SNTG1: variants seen among roughly 807,000 people sequenced by gnomAD.
SNTG1 encodes the protein syntrophin gamma 1, also known as gamma-1-syntrophin.
SNTG1 carries 39 observed loss-of-function variants against 74.7 expected under a neutral mutation model. That is an observed-to-expected ratio of 0.52 (90% CI 0.40 to 0.68). The LOEUF is 0.68. SNTG1 is among the 30% of genes least tolerant of loss of function. The pLI is 0.00. For synonymous variants in SNTG1, 254 were observed against 217.1 expected, an observed-to-expected ratio of 1.17 and a Z score of -1.49; for missense variants, 685 against 609.5, an observed-to-expected ratio of 1.12 and a Z score of -1.30.
intron 8 of SNTG1, among the ~76,000 whole-genome samples, chr8:50,472,678 T>G: frequency 6.6e-6 from 1 of 152,016 alleles, no homozygotes; most frequent in Middle Eastern, 3.4e-3. Context: ...TTGTACTAAA[T>G]CAAAATGAAA....
chr8:50,387,995 A>C (rs970197275), intron 2 of SNTG1, among the ~76,000 whole-genome samples: 1 of 152,154 alleles, frequency 6.6e-6, no homozygotes, highest in African/African-American at 2.4e-5. Flanking sequence ...TGTTTTTCCC[A>C]ATCAACGTCT....
chr8:50,117,741 A>G (rs200331849), intron 1 of SNTG1, among the ~76,000 whole-genome samples: 2 of 152,280 alleles, frequency 1.3e-5, no homozygotes, highest in East Asian at 1.9e-4. Context: ...TGTTACCACT[A>G]GACTGTAGAT....
At chr8:49,972,689 C>G (rs1811807923) in intron 1 of SNTG1, among the ~76,000 whole-genome samples, 1 of 151,786 alleles carries the variant, frequency 6.6e-6, no homozygotes, top group Non-Finnish European at 1.5e-5. Context: ...ACAACCCCAT[C>G]AACAAGTGGG....
chr8:50,362,355 A>G (rs2131078956), intron 2 of SNTG1, among the ~76,000 whole-genome samples: 1 of 152,324 alleles, frequency 6.6e-6, no homozygotes, highest in African/African-American at 2.4e-5. Flanking sequence ...TATGTTCAAT[A>G]AACTAACGCT....
chr8:49,966,440 G>T (rs1811150331), intron 1 of SNTG1, among the ~76,000 whole-genome samples: 1 of 150,780 alleles, frequency 6.6e-6, no homozygotes, highest in Non-Finnish European at 1.5e-5. Flanking sequence ...TGTTCCTCAG[G>T]CTTGAGTGCA....
intron 13 of SNTG1, among the ~76,000 whole-genome samples, chr8:50,650,628 C>T (rs1585959220): frequency 6.6e-6 from 1 of 152,162 alleles, no homozygotes; most frequent in South Asian, 2.1e-4. Flanking sequence ...TTATAGGATT[C>T]TATATTTAAA....
At chr8:50,564,793 T>A (rs2094506835) in intron 12 of SNTG1, among the ~76,000 whole-genome samples, 1 of 152,092 alleles carries the variant, frequency 6.6e-6, no homozygotes, top group African/African-American at 2.4e-5. Context: ...TGCCATACAA[T>A]GAGGACTTCA....
intron 1 of SNTG1, among the ~76,000 whole-genome samples, chr8:49,935,328 G>C (rs1278041416): frequency 3.3e-5 from 5 of 149,518 alleles, no homozygotes; most frequent in Non-Finnish European, 7.4e-5. Flanking sequence ...TGAGGACTTT[G>C]ATGCATGTCT....
intron 18 of SNTG1, among the ~76,000 whole-genome samples, chr8:50,775,287 A>G (rs956366633): frequency 6.6e-6 from 1 of 151,588 alleles, no homozygotes; most frequent in Non-Finnish European, 1.5e-5. Flanking sequence ...CAATCAAGAG[A>G]TTGACAGTGA....
At chr8:50,242,653 G>T (rs1413769739) in intron 2 of SNTG1, among the ~76,000 whole-genome samples, 1 of 151,288 alleles carries the variant, frequency 6.6e-6, no homozygotes, top group Non-Finnish European at 1.5e-5. Flanking sequence ...GTGTGGGAGT[G>T]GTTAGTCATT....
At chr8:50,770,201 G>A (rs1054443661) in intron 18 of SNTG1, among the ~76,000 whole-genome samples, 1 of 152,062 alleles carries the variant, frequency 6.6e-6, no homozygotes, top group Non-Finnish European at 1.5e-5. Context: ...GTGAATGTGG[G>A]CTGGATTTTC....
chr8:50,561,121 G>T (rs532930452), intron 12 of SNTG1, among the ~76,000 whole-genome samples: 5 of 152,208 alleles, frequency 3.3e-5, no homozygotes, highest in African/African-American at 9.6e-5. Context: ...CATGGGAGTG[G>T]TTTCCCCCAT....
At chr8:50,656,224 A>G (rs560796476) in intron 13 of SNTG1, among the ~76,000 whole-genome samples, 9 of 152,158 alleles carry the variant, frequency 5.9e-5, no homozygotes, top group Non-Finnish European at 1.0e-4. Flanking sequence ...GTGTTTGTGT[A>G]TATGTTTGAC....
intron 13 of SNTG1, among the ~76,000 whole-genome samples, chr8:50,599,297 A>G (rs2094755466): frequency 6.6e-6 from 1 of 151,974 alleles, no homozygotes; most frequent in African/African-American, 2.4e-5. Flanking sequence ...AAGTAATGTG[A>G]TTCCTCTAGT....
At chr8:50,561,965 T>C (rs1403143208) in intron 12 of SNTG1, among the ~76,000 whole-genome samples, 1 of 152,204 alleles carries the variant, frequency 6.6e-6, no homozygotes, top group African/African-American at 2.4e-5. Context: ...AATAGTCCTG[T>C]GAAGATTCTC....
rs549740201 is a variant in SNTG1, at chr8:50,047,763, T to C, written c.-102-124798T>C. ...CTCAAACTTGACTGTCATAACAACC[T>C]GGGGGTGTCACATGCTAAGTTAAAT... On this transcript the variant is annotated intron_variant, in intron 1 of 18. Coordinates refer to ENST00000642720, the MANE Select transcript of SNTG1 (RefSeq NM_018967.5). Among the ~76,000 whole-genome samples the C allele has an allele frequency of 5.3e-5, 8 of 152,230 alleles. No individual in the cohort carries two copies. In the South Asian group the frequency reaches 1.7e-3, roughly 32 times the overall value.
chr8:50,455,333 C>CA (rs34181733), intron 8 of SNTG1, among the ~76,000 whole-genome samples: 14 of 151,374 alleles, frequency 9.2e-5, no homozygotes, highest in Non-Finnish European at 1.6e-4. Context: ...TTATGGGTTT[C>CA]AAAAAAAATA....
At chr8:50,463,106 C>T (rs909579571) in intron 8 of SNTG1, among the ~76,000 whole-genome samples, 12 of 152,132 alleles carry the variant, frequency 7.9e-5, no homozygotes, top group South Asian at 2.1e-4. Flanking sequence ...TAAGCCACCA[C>T]GTCCAGCCCA....
intron 9 of SNTG1, among the ~76,000 whole-genome samples, chr8:50,523,286 A>G (rs1043658836): frequency 2.0e-5 from 3 of 152,170 alleles, no homozygotes; most frequent in Admixed American, 2.0e-4. Context: ...GCATGTGTTC[A>G]CTGGTGTAGC....
Sources: allele counts gnomAD v4.1 joint callset (sites outside exome capture counted in the v4.1 genomes callset), GRCh38; gene constraint gnomAD v4.1.1; transcripts MANE v1.5; gene names NCBI Gene and HGNC (gene_info 2026-07-23, HGNC 2026-07-21).